SEMA7A: variants seen among roughly 807,000 people sequenced by gnomAD.
The protein encoded by SEMA7A is semaphorin-7A.
Under a neutral mutation model 67.5 loss-of-function variants are expected in SEMA7A, and 21 were observed. The observed-to-expected ratio is 0.31, with a 90% CI of 0.22 to 0.45. The LOEUF (loss-of-function observed/expected upper bound fraction) is 0.45, where lower values mean the gene tolerates loss of function less well. Ranked by LOEUF, SEMA7A falls within the 20% of genes least tolerant of loss-of-function variation. The pLI, the probability that SEMA7A is intolerant of heterozygous loss-of-function variation, is 1.00. For missense variants in SEMA7A, 774 were observed against 908.6 expected, an observed-to-expected ratio of 0.85 and a Z score of 1.90; for synonymous variants, 364 against 368.5, an observed-to-expected ratio of 0.99 and a Z score of 0.14.
intron 1 of SEMA7A, among the ~76,000 whole-genome samples, chr15:74,422,523 A>G (rs893951071): frequency 3.9e-5 from 6 of 152,184 alleles, no homozygotes; most frequent in Non-Finnish European, 7.3e-5. Flanking sequence ...AAGCACATTC[A>G]GGCTGCCCCG....
At chr15:74,432,543 G>A (rs1025060036) in intron 1 of SEMA7A, among the ~76,000 whole-genome samples, 1 of 152,170 alleles carries the variant, frequency 6.6e-6, no homozygotes, top group Non-Finnish European at 1.5e-5. Context: ...AGTGACCTTG[G>A]GCAAGTCACA....
intron 1 of SEMA7A, 70 bp downstream of exon 1, chr15:74,433,671 G>T: frequency 7.4e-7 from 1 of 1,354,444 alleles, no homozygotes; most frequent in South Asian, 1.8e-5. Flanking sequence ...CCCTCCGGGT[G>T]CAGCACACTC....
chr15:74,432,961 C>G lies in SEMA7A; in HGVS notation c.178+780G>C, dbSNP rs569121242. On this transcript the variant is annotated intron_variant, in intron 1 of 13. Transcript: ENST00000261918. Reference sequence around the variant, plus strand: ...AGTCCCCCAGGTTCTTATTATCTACCCTGGCCTAAAGGCTGCACCCCCGCC... The same window carrying G: ...AGTCCCCCAGGTTCTTATTATCTACGCTGGCCTAAAGGCTGCACCCCCGCC... Among the ~76,000 whole-genome samples, 4 of 152,248 alleles carry G rather than the reference C, an allele frequency of 2.6e-5. No individual in the cohort carries two copies. In the East Asian group the frequency reaches 5.8e-4, roughly 22 times the overall value.
At chr15:74,416,291 C>T (rs542402335) in intron 7 of SEMA7A, among the ~76,000 whole-genome samples, 38 of 152,064 alleles carry the variant, frequency 2.5e-4, no homozygotes, top group African/African-American at 5.8e-4. Context: ...CACCCACACA[C>T]GTGGCACAGC....
rs762383759 is a variant in SEMA7A, at chr15:74,411,018, G to A, written c.1640-33C>T. ...GGCAGTGGGGAAGCAGCCGTGAGGAGGGACAAAGAGCTCCCAGGGGAGGAT... is the reference window on the plus strand; with the variant it reads ...GGCAGTGGGGAAGCAGCCGTGAGGAAGGACAAAGAGCTCCCAGGGGAGGAT... On this transcript the variant is annotated intron_variant, in intron 13 of 13. Coordinates refer to ENST00000261918, the MANE Select transcript of SEMA7A (RefSeq NM_003612.5). This position sits in a 1 kb window ranked among gnomAD's most constrained non-coding sequence, Gnocchi z 4.4. 1 of 1,591,056 alleles carries A rather than the reference G, an allele frequency of 6.3e-7. No individual in the cohort carries two copies. Among genetic ancestry groups the A allele is most frequent in the Admixed American group, 1.7e-5 (1 of 58,954 alleles).
In SEMA7A at chr15:74,410,210, G is replaced by C. The variant is rs766496819; in HGVS notation, c.*414C>G. The C allele has an allele frequency of 5.8e-6, 1 of 173,878 alleles. No individual in the cohort carries two copies. Among genetic ancestry groups the C allele is most frequent in the Non-Finnish European group, 1.2e-5 (1 of 82,872 alleles). 10.8% of individuals were successfully genotyped at this position (173,878 alleles called of 1,614,324 possible). On this transcript the variant is annotated 3_prime_UTR_variant, in exon 14 of 14. Coordinates refer to ENST00000261918, the MANE Select transcript of SEMA7A (RefSeq NM_003612.5). This position sits in a 1 kb window ranked among gnomAD's most constrained non-coding sequence, Gnocchi z 7.5. Reference sequence around the variant, plus strand: ...GAGAGGGAGGGGAAGGAGGCAATGTGGGTACCAAGAGTCCAGAAGGACTCA... The same window carrying C: ...GAGAGGGAGGGGAAGGAGGCAATGTCGGTACCAAGAGTCCAGAAGGACTCA...
At position 74,427,154 on chromosome 15, in the gene SEMA7A, G is replaced by C. The variant is rs1053627842; in HGVS notation, c.178+6587C>G. The C allele has an allele frequency of 3.5e-5, 33 of 952,528 alleles. No individual in the cohort carries two copies. The African/African-American group carries it at 5.5e-4, about 16-fold the overall frequency. 59.0% of individuals were successfully genotyped at this position (952,528 alleles called of 1,614,324 possible). On this transcript the variant is annotated intron_variant, in intron 1 of 13. Transcript: ENST00000261918. ...TCCAGCCCTCACTGCCCGTACCTTC[G>C]ACCTTGTACCACAAACCATCTGGCA... is the stretch of plus-strand genomic sequence containing the variant.
intron 10 of SEMA7A, among the ~76,000 whole-genome samples, chr15:74,413,709 A>G (rs142963563): frequency 1.3e-5 from 2 of 152,292 alleles, no homozygotes; most frequent in East Asian, 3.9e-4. Flanking sequence ...GGCTTCCAGG[A>G]GCCAAACAAT....
Position 74,410,310 on chromosome 15 carries a change from G to A in SEMA7A, c.*314C>T. On this transcript the variant is annotated 3_prime_UTR_variant, in exon 14 of 14. Transcript: ENST00000261918. This position sits in a 1 kb window ranked among gnomAD's most constrained non-coding sequence, Gnocchi z 7.5. ...CACTCCCCGACCCATGGGCTCTTGG[G>A]CTGGGAGCATCGCTGCATTTAGTCA... 2.9e-6 allele frequency: 1 copy of A among 340,190 alleles called. No individual in the cohort carries two copies. The highest frequency in any genetic ancestry group is 5.3e-6 in the Non-Finnish European group (1 of 188,148). The allele number at this position is 340,190 out of a possible 1,614,324, so 21.1% of individuals were successfully genotyped here. A position where few individuals can be genotyped will look rare whatever the true frequency, so the allele number is the denominator to read the frequency against.
chr15:74,415,062 G>A (rs1361429342), intron 8 of SEMA7A, 116 bp from the exon 9 acceptor site: 4 of 767,492 alleles, frequency 5.2e-6, no homozygotes, highest in Admixed American at 4.2e-5. Flanking sequence ...TGAAAATGGG[G>A]AGGGATGGAG....
rs909407504 is a variant in SEMA7A, at chr15:74,423,181, A to C, written c.179-4229T>G. Among the ~76,000 whole-genome samples, 1 of 152,204 alleles carries C rather than the reference A, an allele frequency of 6.6e-6. No homozygotes were observed. The highest frequency in any genetic ancestry group is 2.4e-5 in the African/African-American group (1 of 41,450). The stretch of plus-strand genomic sequence containing the variant: ...GCCGACCTCAGGTTGGAGAGCCAGC[A>C]CATCTGGCAGGAGCGTCCTCCCACA... On this transcript the variant is annotated intron_variant, in intron 1 of 13. Transcript: ENST00000261918. The surrounding 1 kb of genome is among the most constrained non-coding windows in gnomAD (Gnocchi z 4.1).
At chr15:74,433,386 T>C (rs2061108417) in intron 1 of SEMA7A, among the ~76,000 whole-genome samples, 1 of 151,714 alleles carries the variant, frequency 6.6e-6, no homozygotes, top group African/African-American at 2.4e-5. Context: ...GGAAAGGTCC[T>C]CCGCCGAAGC....
chr15:74,417,470 G>A, intron 5 of SEMA7A, 25 bp from the exon 6 acceptor site: 3 of 1,603,210 alleles, frequency 1.9e-6, no homozygotes, highest in South Asian at 2.2e-5. Flanking sequence ...AGGGAGAAAT[G>A]AGTAAGGGCA....
At position 74,415,393 on chromosome 15, in the gene SEMA7A, G is replaced by A. The variant is rs113964790; in HGVS notation, c.986+408C>T. ...CACACACCCAACACTTCCGCCTGCCGTGTGTTCAATCAATGAGAGTGATTA... is the reference window on the plus strand; with the variant it reads ...CACACACCCAACACTTCCGCCTGCCATGTGTTCAATCAATGAGAGTGATTA... On this transcript the variant is annotated intron_variant, in intron 8 of 13. Coordinates refer to ENST00000261918, the MANE Select transcript of SEMA7A (RefSeq NM_003612.5). 1.6e-3 allele frequency among the ~76,000 whole-genome samples: 244 copies of A among 152,182 alleles called. 1 individual carries two copies. The highest frequency in any genetic ancestry group is 2.9e-3 in the African/African-American group (119 of 41,508).
chr15:74,418,694 C>T, intron 2 of SEMA7A, 107 bp downstream of exon 2: 2 of 1,252,332 alleles, frequency 1.6e-6, no homozygotes, highest in South Asian at 1.4e-5. Context: ...GAGGTGGGGG[C>T]AGTTTAGGAA....
intron 4 of SEMA7A, 91 bp from the exon 5 acceptor site, chr15:74,417,766 C>T: frequency 1.3e-6 from 2 of 1,547,852 alleles, no homozygotes; most frequent in Non-Finnish European, 1.8e-6. Flanking sequence ...GCCCCATCCT[C>T]CCAGGGCAAG....
In SEMA7A at chr15:74,416,564, C is replaced by A; in HGVS notation, c.801+11G>T. On this transcript the variant is annotated intron_variant, in intron 7 of 13. Coordinates refer to ENST00000261918, the MANE Select transcript of SEMA7A (RefSeq NM_003612.5). ...AGACACGTAGCCAGCAGCCCTCACG[C>A]CCCTGCTCACCCTGCACAACTGGGC... 6 of 1,613,356 alleles carry A rather than the reference C, an allele frequency of 3.7e-6. No individual in the cohort carries two copies. Among genetic ancestry groups the A allele is most frequent in the East Asian group, 2.2e-5 (1 of 44,864 alleles).
intron 1 of SEMA7A, among the ~76,000 whole-genome samples, chr15:74,432,789 G>A (rs775841637): frequency 2.0e-5 from 3 of 152,120 alleles, no homozygotes; most frequent in Admixed American, 2.0e-4. Flanking sequence ...GGACAGAGCC[G>A]AATCGGACTG....
chr15:74,414,644 C>T lies in SEMA7A; in HGVS notation c.1197G>A (p.Thr399=), dbSNP rs149328667. 456 of 1,614,162 alleles carry T rather than the reference C, an allele frequency of 2.8e-4. No homozygotes were observed. Among genetic ancestry groups the T allele is most frequent in the African/African-American group, 2.7e-3 (199 of 75,036 alleles). The change falls in exon 10 of 14, where the codon ACG becomes ACA. Residue 399 remains threonine (T), a synonymous_variant. Transcript: ENST00000261918. This position sits in a 1 kb window ranked among gnomAD's most constrained non-coding sequence, Gnocchi z 4.1. ...QRVEPMGPLK[T]PLFHSKYHYQ... ...AGTGGTATTTAGAGTGGAACAATGGCGTCTTCAGAGGCCCCATGGGCTCCA... is the reference window on the plus strand; with the variant it reads ...AGTGGTATTTAGAGTGGAACAATGGTGTCTTCAGAGGCCCCATGGGCTCCA...
Sources: allele counts gnomAD v4.1 joint callset (sites outside exome capture counted in the v4.1 genomes callset), GRCh38; gene constraint gnomAD v4.1.1; non-coding constraint Gnocchi (gnomAD v3.1); transcripts MANE v1.5; gene names NCBI Gene and HGNC (gene_info 2026-07-23, HGNC 2026-07-21).